C20orf204: variants seen among roughly 807,000 people sequenced by gnomAD.
The protein encoded by C20orf204 is uncharacterized protein C20orf204.
A neutral mutation model predicts 3.6 loss-of-function variants in C20orf204; 6 were observed. The observed-to-expected ratio is 1.68, with a 90% CI of 0.92 to 3.31. The LOEUF is 3.31. Ranked by LOEUF, C20orf204 falls within the 30% of genes most tolerant of loss-of-function variation. The pLI is 0.00. For missense variants in C20orf204, 167 were observed against 89.7 expected (o/e 1.86, Z -3.48); for synonymous variants, 80 against 41.4 (o/e 1.93, Z -3.58).
rs1434912141 is a variant in C20orf204, at chr20:64,038,898, A to C, written c.*139A>C. On this transcript the variant is annotated 3_prime_UTR_variant, in exon 4 of 4. Coordinates refer to ENST00000636176, the MANE Select transcript of C20orf204 (RefSeq NM_001387010.1). ...GCCCGCGCTCCCCGGAGGGCCCAGG[A>C]CTTGGAGAAGGGAGCGCGCCTGGCC... The C allele has an allele frequency of 1.4e-6, 1 of 734,508 alleles. No homozygotes were observed. Among genetic ancestry groups the C allele is most frequent in the Admixed American group, 1.9e-5 (1 of 53,982 alleles). The allele number at this position is 734,508 out of a possible 1,614,324, so 45.5% of individuals were successfully genotyped here.
At position 64,038,815 on chromosome 20, in the gene C20orf204, C is replaced by G. The variant is rs760689069; in HGVS notation, c.*56C>G. The G allele has an allele frequency of 2.0e-5, 14 of 702,954 alleles. No individual in the cohort carries two copies. The highest frequency in any genetic ancestry group is 1.8e-4 in the South Asian group (12 of 66,864). 43.5% of individuals were successfully genotyped at this position (702,954 alleles called of 1,614,324 possible). On this transcript the variant is annotated 3_prime_UTR_variant, in exon 4 of 4. Transcript: ENST00000636176. ...AGAACCAGCGGGGCCGCGGCAGAGC[C>G]TGGAGACGCGCCTCGTTCTGTAGAC...
chr20:64,037,712 G>A (rs1204742648), intron 1 of C20orf204: 2 of 397,154 alleles, frequency 5.0e-6, no homozygotes, highest in East Asian at 3.6e-5. Flanking sequence ...GAACTGTCTG[G>A]TTTGCAGACC....
Position 64,038,005 on chromosome 20 carries a change from T to G in C20orf204, c.82T>G (p.Cys28Gly). ...GCCAAGCCGCGCCTATTCCCCGGCC[T>G]GCAGCGTCCCCGACGTGCTCCGCCA... is the stretch of plus-strand genomic sequence containing the variant. The part of the protein sequence containing the change: ...TAPSRAYSPA[C>G]SVPDVLRHYR... Residue 28 changes from cysteine (C) to glycine (G), a missense_variant, in exon 2 of 4, where the codon TGC (cysteine) becomes GGC (glycine). Transcript: ENST00000636176. 1 of 519,394 alleles carries G rather than the reference T, an allele frequency of 1.9e-6. No homozygotes were observed. The highest frequency in any genetic ancestry group is 3.4e-6 in the Non-Finnish European group (1 of 296,502). The allele number at this position is 519,394 out of a possible 1,614,324, so 32.2% of individuals were successfully genotyped here. A position where few individuals can be genotyped will look rare whatever the true frequency, so the allele number is the denominator to read the frequency against.
chr20:64,037,854 G>A, intron 1 of C20orf204, 73 bp from the exon 2 acceptor site: 1 of 405,522 alleles, frequency 2.5e-6, no homozygotes, highest in Non-Finnish European at 4.4e-6. Flanking sequence ...CGGAAACAAA[G>A]TGCAGGTGGG....
rs1367704426 is a variant in C20orf204 at position 64,038,924 on chromosome 20, G to A, written c.*165G>A. 2.8e-6 allele frequency: 2 copies of A among 726,256 alleles called. No homozygotes were observed. The highest frequency in any genetic ancestry group is 1.8e-5 in the African/African-American group (1 of 55,866). 45.0% of individuals were successfully genotyped at this position (726,256 alleles called of 1,614,324 possible). A position where few individuals can be genotyped will look rare whatever the true frequency, so the allele number is the denominator to read the frequency against. On this transcript the variant is annotated 3_prime_UTR_variant, in exon 4 of 4. Coordinates refer to ENST00000636176, the MANE Select transcript of C20orf204 (RefSeq NM_001387010.1). ...CTTGGAGAAGGGAGCGCGCCTGGCCGCCGCTGGGTCACGGAGGAGGCCCGC... is the reference window on the plus strand; with the variant it reads ...CTTGGAGAAGGGAGCGCGCCTGGCCACCGCTGGGTCACGGAGGAGGCCCGC...
chr20:64,036,134 C>T (rs891741523), upstream of C20orf204: 11 of 152,488 alleles, frequency 7.2e-5, no homozygotes, highest in African/African-American at 2.7e-4. Context: ...CTCCCTCCCT[C>T]AGCTTGGAGG....
intron 1 of C20orf204, chr20:64,036,609 C>T (rs1243381406): frequency 1.3e-5 from 2 of 152,336 alleles, no homozygotes; most frequent in African/African-American, 4.8e-5. Context: ...CCAGGGCAGC[C>T]AGTCTGCCCC....
chr20:64,038,151 C>T lies in C20orf204; in HGVS notation c.228C>T (p.Pro76=), dbSNP rs534254773. The part of the protein sequence containing the change: ...FHFIQKNLTR[P]GSSGRRGRPR... ...TCATACAGAAAAACCTGACTAGACC[C>T]GGGAGCTCGGGACGGCGGGGACGGC... Residue 76 remains proline (P), a synonymous_variant, in exon 2 of 4, where the codon CCC becomes CCT. Transcript: ENST00000636176. The T allele has an allele frequency of 1.1e-4, 64 of 577,182 alleles. No individual in the cohort carries two copies. The African/African-American group carries it at 1.2e-3, about 11-fold the overall frequency. 35.8% of individuals were successfully genotyped at this position (577,182 alleles called of 1,614,324 possible).
At chr20:64,033,760 G>C (rs976899335), upstream of C20orf204, among the ~76,000 whole-genome samples, 6 of 152,208 alleles carry the variant, frequency 3.9e-5, no homozygotes, top group African/African-American at 1.4e-4. Flanking sequence ...ATCTGCCTCA[G>C]CTTCCCAAAG....
At chr20:64,034,634 C>T (rs1158523050), upstream of C20orf204, 1 of 152,386 alleles carries the variant, frequency 6.6e-6, no homozygotes, top group African/African-American at 2.4e-5. Flanking sequence ...CCTTTGATCC[C>T]TCATGGAGAG....
At chr20:64,036,675 C>T (rs996232499) in intron 1 of C20orf204, 7 of 152,282 alleles carry the variant, frequency 4.6e-5, no homozygotes, top group South Asian at 4.1e-4. Flanking sequence ...CTGGCCTGCT[C>T]AGGAGTCAGG....
At chr20:64,037,880 G>C in intron 1 of C20orf204, 47 bp from the exon 2 acceptor site, 1 of 412,710 alleles carries the variant, frequency 2.4e-6, no homozygotes. Flanking sequence ...TGCTCCCTGT[G>C]CTGGGAACAC....
At chr20:64,037,824 G>C in intron 1 of C20orf204, 103 bp from the exon 2 acceptor site, 2 of 405,158 alleles carry the variant, frequency 4.9e-6, no homozygotes, top group Non-Finnish European at 8.7e-6. Context: ...CGTGGGGTGG[G>C]GCAGGGGGTG....
At chr20:64,037,636 A>G in intron 1 of C20orf204, 1 of 315,668 alleles carries the variant, frequency 3.2e-6, no homozygotes, top group East Asian at 5.1e-5. Context: ...TGGGTTCTTC[A>G]GGACTCAGTG....
At chr20:64,034,973 T>A (rs1326451651), upstream of C20orf204, 1 of 152,192 alleles carries the variant, frequency 6.6e-6, no homozygotes, top group Non-Finnish European at 1.5e-5. Flanking sequence ...CATTGAGGGG[T>A]CACACAGAAA....
chr20:64,037,728 C>G (rs1056155113), intron 1 of C20orf204, 199 bp from the exon 2 acceptor site: 9 of 398,322 alleles, frequency 2.3e-5, no homozygotes, highest in Non-Finnish European at 4.0e-5. Context: ...AGACCTATCT[C>G]TTGTGTCTCC....
upstream of C20orf204, among the ~76,000 whole-genome samples, chr20:64,034,193 G>A (rs752086297): frequency 6.6e-6 from 1 of 152,204 alleles, no homozygotes; most frequent in Non-Finnish European, 1.5e-5. Flanking sequence ...GGGAGCCCTG[G>A]AGGGTCCCGG....
chr20:64,037,803 C>G (rs1417024748), intron 1 of C20orf204, 124 bp from the exon 2 acceptor site: 3 of 404,634 alleles, frequency 7.4e-6, no homozygotes, highest in Non-Finnish European at 1.3e-5. Context: ...ATTTCATTCG[C>G]TCAGAGATCC....
rs968033706 is a variant in C20orf204, at chr20:64,038,064, C to G, written c.141C>G (p.Ala47=). 3.8e-6 allele frequency: 2 copies of G among 522,066 alleles called. No homozygotes were observed. The allele number at this position is 522,066 out of a possible 1,614,324, so 32.3% of individuals were successfully genotyped here. ...YRAIIFEDLQ[A]AVKWGGAGAE... ...CCATCATCTTCGAGGATCTGCAGGC[C>G]GCCGTGAAGTGGGGCGGGGCGGGGG... Residue 47 remains alanine (A), a synonymous_variant, in exon 2 of 4, where the codon GCC becomes GCG. Coordinates refer to ENST00000636176, the MANE Select transcript of C20orf204 (RefSeq NM_001387010.1).
Sources: gnomAD v4.1 joint callset for allele counts (sites outside exome capture counted in the v4.1 genomes callset) on GRCh38, gnomAD v4.1.1 for gene constraint, MANE v1.5 for transcripts, NCBI Gene and HGNC (gene_info 2026-07-23, HGNC 2026-07-21) for gene names.